Variants in OPHN1 observed in about 807,000 individuals in gnomAD.
The protein encoded by OPHN1 is oligophrenin-1.
A neutral mutation model predicts 60.7 loss-of-function variants in OPHN1; 11 were observed. The observed-to-expected ratio is 0.18, with a 90% confidence interval of 0.11 to 0.30. The LOEUF (loss-of-function observed/expected upper bound fraction) is 0.30. OPHN1 is among the 10% of genes least tolerant of loss of function. OPHN1 has a pLI of 1.00. For synonymous variants in OPHN1, 226 were observed against 222.6 expected, an observed-to-expected ratio of 1.02 and a Z score of -0.14; for missense variants, 449 against 611.0, an observed-to-expected ratio of 0.73 and a Z score of 2.80.
At chrX:68,083,017 ATTTCCTTAAACATCAT>A (rs1250037583) in intron 19 of OPHN1, among the ~76,000 whole-genome samples, 5 of 51,452 alleles carry the variant, frequency 9.7e-5, no homozygotes, top group Admixed American at 2.2e-4. Flanking sequence ...GAACTGGTTT[ATTTCCTTAAACATCAT>A]GAACCAACCT....
intron 3 of OPHN1, 93 bp downstream of exon 3, chrX:68,298,908 A>T: frequency 1.9e-6 from 1 of 534,165 alleles, no homozygotes; most frequent in South Asian, 2.3e-5. Flanking sequence ...GTGGATGAAG[A>T]TGTCCAAGTG....
At chrX:68,384,779 GC>G (rs1382520298) in intron 2 of OPHN1, among the ~76,000 whole-genome samples, 1 of 111,380 alleles carries the variant, frequency 9.0e-6, no homozygotes, top group Non-Finnish European at 1.9e-5. Context: ...AGAGTTAGAG[GC>G]CATTATTCTA....
chrX:68,253,648 T>A (rs766542038), intron 5 of OPHN1, among the ~76,000 whole-genome samples: 7 of 112,106 alleles, frequency 6.2e-5, no homozygotes, highest in Admixed American at 1.9e-4. Context: ...TTAAATTTTT[T>A]AAAATTTTTA....
rs2076825632 is a variant in OPHN1, at chrX:68,044,329, C to T, written c.*2843G>A. 1 of 112,689 alleles carries T rather than the reference C, an allele frequency of 8.9e-6. No individual in the cohort carries two copies. The highest frequency in any genetic ancestry group is 3.2e-5 in the African/African-American group (1 of 31,065). The allele number at this position is 112,689 out of a possible 1,213,427, so 9.3% of individuals were successfully genotyped here. On this transcript the variant is annotated 3_prime_UTR_variant, in exon 25 of 25. Transcript: ENST00000355520. ...ATTCAAATCACAGTCCTTTTATTTA[C>T]TTTCTATGTGCCCTTGAGTTGTTTA...
chrX:68,278,081 C>G (rs147326152), intron 4 of OPHN1, among the ~76,000 whole-genome samples: 1,176 of 111,912 alleles, frequency 0.011, 13 homozygotes, highest in African/African-American at 0.036. Flanking sequence ...ATAGTCCATG[C>G]TTTACTAGAA....
intron 7 of OPHN1, among the ~76,000 whole-genome samples, chrX:68,212,624 T>C (rs2077589853): frequency 9.0e-6 from 1 of 111,517 alleles, no homozygotes; most frequent in African/African-American, 3.3e-5. Context: ...AACAAAAAAC[T>C]CCATGGTGTT....
intron 2 of OPHN1, among the ~76,000 whole-genome samples, chrX:68,424,112 AG>A (rs1265144315): frequency 9.0e-6 from 1 of 110,914 alleles, no homozygotes; most frequent in Non-Finnish European, 1.9e-5. Context: ...GGTTGCAGTG[AG>A]TCAAGATCGT....
At chrX:68,196,176 A>G (rs1405545949) in intron 12 of OPHN1, among the ~76,000 whole-genome samples, 1 of 111,767 alleles carries the variant, frequency 8.9e-6, no homozygotes, top group Admixed American at 9.5e-5. Flanking sequence ...ATTCTCCAGG[A>G]TACTGAGGAC....
intron 9 of OPHN1, among the ~76,000 whole-genome samples, chrX:68,208,525 C>G (rs150874308): frequency 8.9e-6 from 1 of 112,085 alleles, no homozygotes; most frequent in African/African-American, 3.2e-5. Flanking sequence ...TATTGATATA[C>G]TTGTCTATCT....
At chrX:68,350,476 CTCCCTCCCTTCCTCCCTTCCTCCT>C (rs2078403606) in intron 2 of OPHN1, among the ~76,000 whole-genome samples, 3 of 63,332 alleles carry the variant, frequency 4.7e-5, no homozygotes, top group African/African-American at 1.9e-4. Flanking sequence ...TCCTTCCTCC[CTCCCTCCCTTCCTCCCTTCCTCCT>C]TTCCTTCCTT....
intron 15 of OPHN1, among the ~76,000 whole-genome samples, chrX:68,169,849 A>G (rs1363774725): frequency 9.5e-6 from 1 of 105,634 alleles, no homozygotes; most frequent in Non-Finnish European, 1.9e-5. Flanking sequence ...CCTAGGCATT[A>G]CCGTTCAGGA....
intron 10 of OPHN1, among the ~76,000 whole-genome samples, chrX:68,204,732 A>G (rs2077550556): frequency 9.0e-6 from 1 of 110,856 alleles, no homozygotes; most frequent in Non-Finnish European, 1.9e-5. Context: ...GGCCACCACC[A>G]TTGCAGTTTT....
intron 2 of OPHN1, among the ~76,000 whole-genome samples, chrX:68,378,543 T>C (rs965235884): frequency 8.0e-5 from 9 of 112,066 alleles, no homozygotes; most frequent in African/African-American, 2.9e-4. Context: ...CTAGGTTTTC[T>C]TCTAGGGTTT....
intron 2 of OPHN1, among the ~76,000 whole-genome samples, chrX:68,405,106 T>C (rs1488479415): frequency 1.8e-5 from 2 of 112,616 alleles, no homozygotes; most frequent in East Asian, 2.8e-4. Context: ...AATTCGTATG[T>C]GATGCAAACA....
chrX:68,197,033 C>T (rs1292996545), intron 12 of OPHN1, among the ~76,000 whole-genome samples, 153 bp downstream of exon 12: 1 of 111,270 alleles, frequency 9.0e-6, no homozygotes, highest in Non-Finnish European at 1.9e-5. Context: ...GTTGCCTTAC[C>T]TGCTAAGAGA....
At chrX:68,113,144 T>A (rs762141572) in intron 17 of OPHN1, 37 bp downstream of exon 17, 1 of 1,128,787 alleles carries the variant, frequency 8.9e-7, no homozygotes, top group East Asian at 3.0e-5. Context: ...ATTAAGAAAC[T>A]AGGACAACAC....
upstream of OPHN1, chrX:68,433,522 T>C (rs953301021): frequency 1.0e-5 from 3 of 287,395 alleles, no homozygotes; most frequent in Non-Finnish European, 1.8e-5. Flanking sequence ...CAACCCGGAT[T>C]GCACTGTCCC....
Position 68,263,361 on chromosome X carries a change from C to T in OPHN1, c.384+11377G>A, listed in dbSNP as rs2077904134. On this transcript the variant is annotated intron_variant, in intron 5 of 24. Coordinates refer to ENST00000355520, the MANE Select transcript of OPHN1 (RefSeq NM_002547.3). ...TTGGGAAACACTCAATGTTCAACACCCCTATCCCTCTGTTCCTGCCTCATT... is the reference window on the plus strand; with the variant it reads ...TTGGGAAACACTCAATGTTCAACACTCCTATCCCTCTGTTCCTGCCTCATT... Among the ~76,000 whole-genome samples, 3 of 111,440 alleles carry T rather than the reference C, an allele frequency of 2.7e-5. No individual in the cohort carries two copies. In the Admixed American group the frequency reaches 2.9e-4, roughly 11 times the overall value.
At chrX:68,173,058 G>A (rs1168547861) in intron 15 of OPHN1, among the ~76,000 whole-genome samples, 1 of 110,448 alleles carries the variant, frequency 9.1e-6, no homozygotes. Context: ...ATGCCACGGT[G>A]ACAACCTCCC....
Sources: allele counts gnomAD v4.1 joint callset (sites outside exome capture counted in the v4.1 genomes callset), GRCh38; gene constraint gnomAD v4.1.1; transcripts MANE v1.5; gene names NCBI Gene and HGNC (gene_info 2026-07-23, HGNC 2026-07-21).